MAGI3: variants seen among roughly 807,000 people sequenced by gnomAD.
MAGI3 encodes membrane associated guanylate kinase, WW and PDZ domain containing 3, also known as membrane-associated guanylate kinase, WW and PDZ domain-containing protein 3.
In MAGI3, 43 loss-of-function variants were observed where a neutral mutation model predicts 121.8. That is an observed-to-expected ratio of 0.35 (90% CI 0.28 to 0.46). MAGI3 has a LOEUF of 0.46. Among genes scored for constraint, MAGI3 ranks in the 20% least tolerant of loss-of-function variants. The probability of loss-of-function intolerance (pLI) is 1.00; values close to 1 mark genes in which losing one functional copy is unlikely to be tolerated. For synonymous variants in MAGI3, 553 were observed against 639.3 expected (o/e 0.86, Z 2.04); for missense variants, 1,547 against 1,797.3 (o/e 0.86, Z 2.52).
intron 3 of MAGI3, among the ~76,000 whole-genome samples, chr1:113,584,398 T>G (rs1648232152): frequency 6.6e-6 from 1 of 152,162 alleles, no homozygotes. Flanking sequence ...ACTGCAAAAA[T>G]TACAGATTCT....
At chr1:113,415,087 A>G (rs570832944) in intron 1 of MAGI3, among the ~76,000 whole-genome samples, 1 of 152,254 alleles carries the variant, frequency 6.6e-6, no homozygotes, top group East Asian at 1.9e-4. Flanking sequence ...CTTTGCATTT[A>G]TAGAAACTAG....
intron 1 of MAGI3, among the ~76,000 whole-genome samples, chr1:113,466,351 G>C (rs1266266895): frequency 2.0e-5 from 3 of 152,144 alleles, no homozygotes; most frequent in African/African-American, 7.2e-5. Context: ...TAATCATGGT[G>C]AATGATCTTT....
intron 7 of MAGI3, chr1:113,618,623 A>T (rs561417028): frequency 2.6e-6 from 1 of 390,422 alleles, no homozygotes; most frequent in African/African-American, 2.2e-5. Flanking sequence ...CTCCTACCTC[A>T]GCTTCCTGAG....
intron 2 of MAGI3, among the ~76,000 whole-genome samples, chr1:113,564,149 G>A (rs936503030): frequency 7.2e-5 from 11 of 152,122 alleles, no homozygotes; most frequent in African/African-American, 2.2e-4. Context: ...AGTACTAGTA[G>A]CGCTCCCAGG....
chr1:113,453,685 C>A (rs1654600589), intron 1 of MAGI3, among the ~76,000 whole-genome samples: 1 of 151,712 alleles, frequency 6.6e-6, no homozygotes, highest in African/African-American at 2.4e-5. Context: ...GTGGAGATAG[C>A]CCATTTGGGG....
intron 2 of MAGI3, among the ~76,000 whole-genome samples, chr1:113,572,792 T>C (rs1647381611): frequency 6.6e-6 from 1 of 152,226 alleles, no homozygotes; most frequent in South Asian, 2.1e-4. Context: ...CTTTTCTTCT[T>C]TTTTATTCTG....
chr1:113,480,001 C>T (rs1656035107), intron 1 of MAGI3, among the ~76,000 whole-genome samples: 1 of 151,480 alleles, frequency 6.6e-6, no homozygotes, highest in African/African-American at 2.4e-5. Context: ...CATTGTTTTC[C>T]TGACTTCATT....
chr1:113,435,194 A>T (rs1442583733), intron 1 of MAGI3, among the ~76,000 whole-genome samples: 1 of 152,182 alleles, frequency 6.6e-6, no homozygotes, highest in Admixed American at 6.5e-5. Flanking sequence ...ATTAGATTTT[A>T]GTGTTTTGCA....
intron 10 of MAGI3, among the ~76,000 whole-genome samples, chr1:113,643,169 T>A (rs753914560): frequency 6.6e-6 from 1 of 152,246 alleles, no homozygotes; most frequent in Non-Finnish European, 1.5e-5. Flanking sequence ...AATCACAAAG[T>A]TGAATTTTAA....
chr1:113,579,775 A>C (rs1009664592), intron 2 of MAGI3, among the ~76,000 whole-genome samples: 2 of 152,170 alleles, frequency 1.3e-5, no homozygotes, highest in Non-Finnish European at 2.9e-5. Context: ...GAAGAGCCCA[A>C]GACGACTGAC....
chr1:113,594,330 G>A, intron 5 of MAGI3, 151 bp from the exon 6 acceptor site: 1 of 589,054 alleles, frequency 1.7e-6, no homozygotes, highest in Non-Finnish European at 3.0e-6. Flanking sequence ...GAGAACAATA[G>A]GGTTAATGAA....
At chr1:113,536,159 T>TAAAAA (rs71090707) in intron 1 of MAGI3, among the ~76,000 whole-genome samples, 5,950 of 147,634 alleles carry the variant, frequency 0.04, 147 homozygotes, top group Admixed American at 0.1. Context: ...TTTTTTTTTT[T>TAAAAA]AAAAAAATTT....
intron 1 of MAGI3, among the ~76,000 whole-genome samples, chr1:113,523,244 C>G (rs1658289108): frequency 6.6e-6 from 1 of 152,184 alleles, no homozygotes; most frequent in African/African-American, 2.4e-5. Flanking sequence ...TCTGGTATGT[C>G]TTTATCAGGA....
intron 4 of MAGI3, among the ~76,000 whole-genome samples, chr1:113,589,106 A>G (rs772245881): frequency 6.6e-6 from 1 of 152,046 alleles, no homozygotes; most frequent in Non-Finnish European, 1.5e-5. Context: ...GGTGGAGTCA[A>G]TGGGCACAGT....
chr1:113,627,974 A>G (rs1011550599), intron 9 of MAGI3, among the ~76,000 whole-genome samples: 5 of 151,792 alleles, frequency 3.3e-5, no homozygotes, highest in Admixed American at 2.6e-4. Flanking sequence ...TTATTCACTC[A>G]TCTTCTCTAT....
chr1:113,504,647 A>G (rs1657219554), intron 1 of MAGI3, among the ~76,000 whole-genome samples: 1 of 152,118 alleles, frequency 6.6e-6, no homozygotes, highest in Admixed American at 6.6e-5. Flanking sequence ...TTGGAAGGCA[A>G]TCTGGCAATA....
intron 7 of MAGI3, among the ~76,000 whole-genome samples, chr1:113,618,847 T>C (rs1650646385): frequency 1.3e-5 from 2 of 152,222 alleles, no homozygotes; most frequent in Non-Finnish European, 2.9e-5. Flanking sequence ...TATGCTGAAA[T>C]ATATTTGTAC....
At chr1:113,639,029 C>G (rs1157553433) in intron 9 of MAGI3, among the ~76,000 whole-genome samples, 1 of 152,248 alleles carries the variant, frequency 6.6e-6, no homozygotes, top group Non-Finnish European at 1.5e-5. Flanking sequence ...GCGTAGGACC[C>G]TCCGAGCCAG....
intron 11 of MAGI3, among the ~76,000 whole-genome samples, chr1:113,644,319 C>T (rs1415512227): frequency 3.3e-5 from 5 of 151,960 alleles, no homozygotes; most frequent in Non-Finnish European, 5.9e-5. Flanking sequence ...CTTGCTCTGT[C>T]GCCCAGGCTG....
Sources: gnomAD v4.1 joint callset for allele counts (sites outside exome capture counted in the v4.1 genomes callset) on GRCh38, gnomAD v4.1.1 for gene constraint, MANE v1.5 for transcripts, NCBI Gene and HGNC (gene_info 2026-07-23, HGNC 2026-07-21) for gene names.